TK2: variants seen among roughly 807,000 people sequenced by gnomAD.
TK2 encodes thymidine kinase 2.
TK2 carries 35 observed loss-of-function variants against 41.9 expected under a neutral mutation model. The observed-to-expected ratio is 0.84, with a 90% confidence interval of 0.64 to 1.11. The LOEUF (loss-of-function observed/expected upper bound fraction) is 1.11, where lower values mean the gene tolerates loss of function less well. TK2 is among the 50% of genes least tolerant of loss of function. The pLI is 0.00. For synonymous variants in TK2, 128 were observed against 129.1 expected (o/e 0.99, Z 0.06); for missense variants, 320 against 351.1 (o/e 0.91, Z 0.71).
In TK2 at chr16:66,512,493, T is replaced by C. The variant is rs565041834; in HGVS notation, c.700-427A>G. Among the ~76,000 whole-genome samples the C allele has an allele frequency of 4.3e-4, 65 of 152,250 alleles. 1 individual carries two copies. Among genetic ancestry groups the C allele is most frequent in the African/African-American group, 1.4e-3 (59 of 41,564 alleles). ...AAGCTGTACTTATTTAAAAATCTAC[T>C]ACAGTAGGCCGGGTGCAGTGGCTCA... On this transcript the variant is annotated intron_variant, in intron 9 of 9. Transcript: ENST00000544898.
At chr16:66,548,272 C>A (rs1597113445) in intron 2 of TK2, among the ~76,000 whole-genome samples, 1 of 152,282 alleles carries the variant, frequency 6.6e-6, no homozygotes, top group East Asian at 1.9e-4. Flanking sequence ...CCTGCCCGCA[C>A]TGTCTACCCT....
intron 2 of TK2, among the ~76,000 whole-genome samples, chr16:66,544,174 G>A (rs1332215147): frequency 6.6e-6 from 1 of 152,128 alleles, no homozygotes; most frequent in African/African-American, 2.4e-5. Flanking sequence ...CCCTGAATGA[G>A]CTCAGCCAAT....
At chr16:66,512,844 G>T (rs1000627351) in intron 9 of TK2, among the ~76,000 whole-genome samples, 2 of 152,156 alleles carry the variant, frequency 1.3e-5, no homozygotes, top group Non-Finnish European at 2.9e-5. Flanking sequence ...CTCACTGCCT[G>T]CAAGAGCCAT....
In TK2 at chr16:66,517,013, T is replaced by A; in HGVS notation, c.618+123A>T. 1 of 886,734 alleles carries A rather than the reference T, an allele frequency of 1.1e-6. No individual in the cohort carries two copies. 54.9% of individuals were successfully genotyped at this position (886,734 alleles called of 1,614,324 possible). On this transcript the variant is annotated intron_variant, in intron 8 of 9. Coordinates refer to ENST00000544898, the MANE Select transcript of TK2 (RefSeq NM_004614.5). This position sits in a 1 kb window ranked among gnomAD's most constrained non-coding sequence, Gnocchi z 4.3. ...GAGTTCACCCTCTGATACACTTGGTTCCTGTTCTCTCTCTGCAAACAAGGG... is the reference window on the plus strand; with the variant it reads ...GAGTTCACCCTCTGATACACTTGGTACCTGTTCTCTCTCTGCAAACAAGGG...
chr16:66,521,911 T>C (rs1374089249), intron 6 of TK2, among the ~76,000 whole-genome samples: 1 of 152,206 alleles, frequency 6.6e-6, no homozygotes, highest in Non-Finnish European at 1.5e-5. Flanking sequence ...ATCAGTACAA[T>C]TTCTTGCATC....
chr16:66,536,230 A>C (rs1286604001), intron 4 of TK2, among the ~76,000 whole-genome samples: 3 of 151,454 alleles, frequency 2.0e-5, no homozygotes, highest in East Asian at 2.0e-4. Context: ...ATCACAGGGC[A>C]GCACAGGCTT....
intron 3 of TK2, among the ~76,000 whole-genome samples, chr16:66,537,952 C>T (rs1965337070): frequency 6.6e-6 from 1 of 152,190 alleles, no homozygotes. Context: ...CACTTGAGGT[C>T]AGGAGTTCAA....
chr16:66,515,576 A>G (rs1964587914), intron 8 of TK2, among the ~76,000 whole-genome samples: 1 of 152,190 alleles, frequency 6.6e-6, no homozygotes. Flanking sequence ...CAGCCTTTAC[A>G]TCTCCTGCCC....
intron 3 of TK2, 49 bp from the exon 4 acceptor site, chr16:66,537,066 T>C (rs1421428526): frequency 2.5e-6 from 4 of 1,601,982 alleles, no homozygotes; most frequent in Admixed American, 3.3e-5. Flanking sequence ...TGCTGAACCC[T>C]GTAAAAGTGT....
chr16:66,513,501 G>A (rs551453822), intron 9 of TK2, among the ~76,000 whole-genome samples: 5 of 152,314 alleles, frequency 3.3e-5, no homozygotes, highest in African/African-American at 4.8e-5. Context: ...CAACTGCCAG[G>A]TGTGATGGCA....
At chr16:66,549,566 C>A in intron 1 of TK2, 6 of 1,075,100 alleles carry the variant, frequency 5.6e-6, no homozygotes, top group Non-Finnish European at 6.7e-6. Flanking sequence ...CCCCCTCCCC[C>A]ACGCTGGCAC....
intron 1 of TK2, 169 bp from the exon 2 acceptor site, chr16:66,549,178 C>G: frequency 2.0e-6 from 3 of 1,479,008 alleles, no homozygotes; most frequent in South Asian, 1.3e-5. Flanking sequence ...ACCGTCTCGC[C>G]GATGTGCCAC....
Position 66,511,604 on chromosome 16 carries a change from G to A in TK2, c.*364C>T. ...CCTGGGATATAAGACTCCTACCTCG[G>A]CCTCCTAATGAAGGCTGAGACGATT... On this transcript the variant is annotated 3_prime_UTR_variant, in exon 10 of 10. Transcript: ENST00000544898. 2.7e-6 allele frequency: 1 copy of A among 367,994 alleles called. No individual in the cohort carries two copies. The highest frequency in any genetic ancestry group is 5.2e-6 in the Non-Finnish European group (1 of 191,818). 22.8% of individuals were successfully genotyped at this position (367,994 alleles called of 1,614,324 possible). A position where few individuals can be genotyped will look rare whatever the true frequency, so the allele number is the denominator to read the frequency against.
intron 2 of TK2, 156 bp downstream of exon 2, chr16:66,548,822 C>T (rs1253242853): frequency 1.4e-6 from 1 of 721,556 alleles, no homozygotes; most frequent in Non-Finnish European, 2.4e-6. Flanking sequence ...CAGAGGTGGC[C>T]TTCTAGGAGG....
At chr16:66,541,712 G>C (rs1385504267) in intron 3 of TK2, among the ~76,000 whole-genome samples, 167 bp downstream of exon 3, 2 of 152,088 alleles carry the variant, frequency 1.3e-5, no homozygotes, top group East Asian at 3.9e-4. Flanking sequence ...CCACTGCACC[G>C]GCCCCTTTTG....
intron 2 of TK2, among the ~76,000 whole-genome samples, chr16:66,543,226 A>C (rs7196467): frequency 6.6e-6 from 1 of 152,114 alleles, no homozygotes; most frequent in African/African-American, 2.4e-5. Flanking sequence ...GCAGGCAAGG[A>C]TGGGAACCAC....
At chr16:66,513,902 T>A (rs778530514) in intron 8 of TK2, 91 bp from the exon 9 acceptor site, 2 of 1,121,314 alleles carry the variant, frequency 1.8e-6, no homozygotes, top group East Asian at 4.9e-5. Flanking sequence ...AAGTAGTCAA[T>A]GACCATGGGC....
At chr16:66,540,173 C>CTTTTTTTTTTTTTTTTTTTTTTTTTT (rs200305417) in intron 3 of TK2, among the ~76,000 whole-genome samples, 1 of 130,782 alleles carries the variant, frequency 7.6e-6, no homozygotes, top group African/African-American at 2.9e-5. Context: ...TTTCTTTTTT[C>CTTTTTTTTTTTTTTTTTTTTTTTTTT]TTTTTTTTTT....
intron 1 of TK2, chr16:66,549,694 T>G: frequency 8.0e-7 from 1 of 1,252,214 alleles, no homozygotes; most frequent in Non-Finnish European, 1.0e-6. Flanking sequence ...GTTCAGAGCG[T>G]GTCCGTCCTG....
Sources: allele counts gnomAD v4.1 joint callset (sites outside exome capture counted in the v4.1 genomes callset), GRCh38; gene constraint gnomAD v4.1.1; non-coding constraint Gnocchi (gnomAD v3.1); transcripts MANE v1.5; gene names NCBI Gene and HGNC (gene_info 2026-07-23, HGNC 2026-07-21).